Variants in HAL observed in about 807,000 individuals in gnomAD.
HAL encodes the protein histidase.
HAL carries 85 observed loss-of-function variants against 81.1 expected under a neutral mutation model. The ratio of observed to expected loss-of-function variants is 1.05; its 90% CI spans 0.88 to 1.25. HAL has a LOEUF of 1.25. Among genes scored for constraint, HAL ranks in the 50% most tolerant of loss-of-function variants. The pLI is 0.00. For synonymous variants in HAL, 301 were observed against 309.2 expected (o/e 0.97, Z 0.28); for missense variants, 798 against 836.6 (o/e 0.95, Z 0.57).
intron 10 of HAL, among the ~76,000 whole-genome samples, chr12:95,988,924 C>T (rs2268518): frequency 0.78 from 118,613 of 152,128 alleles, 47,048 homozygotes; most frequent in African/African-American, 0.91. Flanking sequence ...CCATTTACTA[C>T]GTCAATTTCA....
At chr12:95,976,522 A>G (rs772145838) in intron 19 of HAL, 24 bp from the exon 20 acceptor site, 1 of 1,612,786 alleles carries the variant, frequency 6.2e-7, no homozygotes. Context: ...ACATCCGCCC[A>G]TCAGCCAAAC....
Position 95,977,943 on chromosome 12 carries a change from C to A in HAL, c.1654+1G>T, listed in dbSNP as rs771325149. On this transcript the variant is annotated splice_donor_variant, in intron 18 of 20. Transcript: ENST00000261208. LOFTEE classifies it high-confidence loss of function. ...CGCCACCCCGAACTCATCAGCATTACCTTGCTCCACATGCTCGATGACCCT... is the reference window on the plus strand; with the variant it reads ...CGCCACCCCGAACTCATCAGCATTAACTTGCTCCACATGCTCGATGACCCT... 3 of 1,614,108 alleles carry A rather than the reference C, an allele frequency of 1.9e-6. No individual in the cohort carries two copies. In the East Asian group the frequency reaches 6.7e-5, roughly 36 times the overall value.
At chr12:95,990,215 G>A in intron 10 of HAL, 178 bp downstream of exon 10, 1 of 683,568 alleles carries the variant, frequency 1.5e-6, no homozygotes, top group Non-Finnish European at 2.7e-6. Flanking sequence ...GAGTATAGAA[G>A]CTAACAACAG....
rs748909682 is a variant in HAL, at chr12:95,994,894, AC to A, written c.308+38del. 3 of 1,604,400 alleles carry A rather than the reference AC, an allele frequency of 1.9e-6. No homozygotes were observed. The African/African-American group carries it at 4.0e-5, about 21-fold the overall frequency. On this transcript the variant is annotated intron_variant, in intron 3 of 20. Coordinates refer to ENST00000261208, the MANE Select transcript of HAL (RefSeq NM_002108.4). Reference sequence around the variant, plus strand: ...CCCAGCCCCACCATCTGCAGGAGCCACCCCCAGAGCAGACCAAAGAGCCTGT... The same window carrying A: ...CCCAGCCCCACCATCTGCAGGAGCCACCCCAGAGCAGACCAAAGAGCCTGT...
At chr12:95,988,529 T>C (rs2268520) in intron 10 of HAL, among the ~76,000 whole-genome samples, 19,636 of 152,226 alleles carry the variant, frequency 0.13, 1,534 homozygotes, top group East Asian at 0.34. Flanking sequence ...GTTCAGTTTC[T>C]ACCTTAGCAG....
chr12:95,990,746 T>G (rs1592849146), intron 9 of HAL, among the ~76,000 whole-genome samples: 6 of 149,786 alleles, frequency 4.0e-5, no homozygotes, highest in South Asian at 2.1e-4. Flanking sequence ...GGAGTGGGGG[T>G]GGAGAGGAAG....
At position 95,994,797 on chromosome 12, in the gene HAL, C is replaced by T; in HGVS notation, c.336+1G>A. 1 of 1,613,938 alleles carries T rather than the reference C, an allele frequency of 6.2e-7. No homozygotes were observed. Among genetic ancestry groups the T allele is most frequent in the Non-Finnish European group, 8.5e-7 (1 of 1,179,804 alleles). ...GAAAAAGAAAGTGGTTTGAAGCTTA[C>T]CTTTTCAGGCTCCCGGTACTTGCTG... On this transcript the variant is annotated splice_donor_variant, in intron 4 of 20. Coordinates refer to ENST00000261208, the MANE Select transcript of HAL (RefSeq NM_002108.4). LOFTEE classifies it high-confidence loss of function.
At chr12:95,993,169 C>CAA (rs1949992637) in intron 8 of HAL, among the ~76,000 whole-genome samples, 1 of 152,194 alleles carries the variant, frequency 6.6e-6, no homozygotes, top group Admixed American at 6.5e-5. Flanking sequence ...CATCCTAACT[C>CAA]ATTCTTTGAG....
In HAL at chr12:95,993,785, T is replaced by C. The variant is rs1370208399; in HGVS notation, c.538A>G (p.Ile180Val). ...TTTTAAACTTACTGTAGCTTATTGA[T>C]AGGAATTACAGTTCTGGCAAATTTC... ...FGKFARTVIP[I>V]NKLQELQVNL... Residue 180 changes from isoleucine (I) to valine (V), a missense_variant, in exon 7 of 21, where the codon ATC (isoleucine) becomes GTC (valine). By Grantham distance (29) the Ile-to-Val change is conservative (BLOSUM62 3). Coordinates refer to ENST00000261208, the MANE Select transcript of HAL (RefSeq NM_002108.4). The C allele has an allele frequency of 6.5e-7, 1 of 1,546,062 alleles. No homozygotes were observed. The highest frequency in any genetic ancestry group is 8.9e-7 in the Non-Finnish European group (1 of 1,118,134).
chr12:95,981,276 T>C (rs1434273695), intron 15 of HAL, among the ~76,000 whole-genome samples: 1 of 152,212 alleles, frequency 6.6e-6, no homozygotes, highest in Non-Finnish European at 1.5e-5. Context: ...GAAGAATCTG[T>C]TGAATGGGAA....
chr12:95,996,130 G>A lies in HAL; in HGVS notation c.-134C>T. On this transcript the variant is annotated 5_prime_UTR_variant, in exon 1 of 21. Transcript: ENST00000261208. ...AGCAGGGGCAGGAGCAGGGGATGCAGACGGGTGAGCCTCCTGTCCACTTTC... is the reference window on the plus strand; with the variant it reads ...AGCAGGGGCAGGAGCAGGGGATGCAAACGGGTGAGCCTCCTGTCCACTTTC... 1 of 572,256 alleles carries A rather than the reference G, an allele frequency of 1.7e-6. No individual in the cohort carries two copies. The highest frequency in any genetic ancestry group is 2.6e-5 in the Admixed American group (1 of 38,288). The allele number at this position is 572,256 out of a possible 1,614,324, so 35.4% of individuals were successfully genotyped here. A position where few individuals can be genotyped will look rare whatever the true frequency, so the allele number is the denominator to read the frequency against.
rs773461831 is a variant in HAL, at chr12:95,993,788, G to T, written c.535C>A (p.Pro179Thr). Residue 179 changes from proline (P) to threonine (T), a missense_variant, in exon 7 of 21, where the codon CCT becomes ACT. Coordinates refer to ENST00000261208, the MANE Select transcript of HAL (RefSeq NM_002108.4). ...GFGKFARTVI[P>T]INKLQELQVN... is the part of the protein sequence containing the mutation. ...TAAACTTACTGTAGCTTATTGATAG[G>T]AATTACAGTTCTGGCAAATTTCCCA... 7.7e-6 allele frequency: 12 copies of T among 1,551,898 alleles called. No individual in the cohort carries two copies. The highest frequency in any genetic ancestry group is 9.8e-6 in the Non-Finnish European group (11 of 1,123,502).
At chr12:95,995,544 G>A (rs61937879) in intron 2 of HAL, 120 bp downstream of exon 2, 29,763 of 1,391,402 alleles carry the variant, frequency 0.021, 432 homozygotes, top group Non-Finnish European at 0.026. Context: ...GCCTGCACAG[G>A]GCCAGCCTCG....
In HAL at chr12:95,974,491, T is replaced by TTATTTTA. The variant is rs1398828287; in HGVS notation, c.1834-120_1834-119insTAAAATA. ...TATACATGACCAGACACAGCTGCTG[T>TTATTTTA]TTGCTTGCTTTTATTTTAAGCCATT... On this transcript the variant is annotated intron_variant, in intron 20 of 20. Coordinates refer to ENST00000261208, the MANE Select transcript of HAL (RefSeq NM_002108.4). The TTATTTTA allele has an allele frequency of 3.4e-6, 3 of 873,008 alleles. No individual in the cohort carries two copies. In the African/African-American group the frequency reaches 5.0e-5, roughly 14 times the overall value. The allele number at this position is 873,008 out of a possible 1,614,324, so 54.1% of individuals were successfully genotyped here. A position where few individuals can be genotyped will look rare whatever the true frequency, so the allele number is the denominator to read the frequency against.
rs140039557 is a variant in HAL at position 95,974,100 on chromosome 12, G to A, written c.*132C>T. 98 of 848,312 alleles carry A rather than the reference G, an allele frequency of 1.2e-4. 2 individuals carry two copies. The highest frequency in any genetic ancestry group is 6.7e-4 in the South Asian group (50 of 74,946). 52.5% of individuals were successfully genotyped at this position (848,312 alleles called of 1,614,324 possible). ...TAATACTGCCATCAGCCTAACCAAC[G>A]TAGGCTTTAGAAGAACTGAATGATA... is the stretch of plus-strand genomic sequence containing the variant. On this transcript the variant is annotated 3_prime_UTR_variant, in exon 21 of 21. Transcript: ENST00000261208.
Position 95,992,698 on chromosome 12 carries a change from C to T in HAL, c.697G>A (p.Val233Ile). 2 of 1,612,554 alleles carry T rather than the reference C, an allele frequency of 1.2e-6. No homozygotes were observed. The highest frequency in any genetic ancestry group is 1.7e-6 in the Non-Finnish European group (2 of 1,178,666). ...GCATTACCATTAAACATTTCTATGACTTGTTTGAGGGTCTCCAGGGAAATG... is the reference window on the plus strand; with the variant it reads ...GCATTACCATTAAACATTTCTATGATTTGTTTGAGGGTCTCCAGGGAAATG... Reference protein sequence around the residue: ...SGISLETLKQVIEMFNASCLP... With the variant: ...SGISLETLKQIIEMFNASCLP... The change falls in exon 9 of 21, where the codon GTC becomes ATC. Residue 233 changes from valine to isoleucine, a missense_variant. Val to Ile is a conservative substitution (Grantham distance 29, BLOSUM62 3). Transcript: ENST00000261208.
In HAL at chr12:95,994,986, C is replaced by T; in HGVS notation, c.255G>A (p.Glu85=). 1.9e-6 allele frequency: 3 copies of T among 1,609,328 alleles called. No individual in the cohort carries two copies. Among genetic ancestry groups the T allele is most frequent in the Non-Finnish European group, 2.6e-6 (3 of 1,175,756 alleles). Residue 85 remains glutamate, a synonymous_variant, in exon 3 of 21, where the codon GAG becomes GAA. Transcript: ENST00000261208. The part of the protein sequence containing the change: ...ENNEFVEVVI[E]GDAMSPDFIP... Reference sequence around the variant, plus strand: ...TGAAGTCAGGAGACATGGCATCACCCTCTATAACTAAAACAATGCACGGGA... The same window carrying T: ...TGAAGTCAGGAGACATGGCATCACCTTCTATAACTAAAACAATGCACGGGA...
At chr12:95,987,040 A>G in intron 12 of HAL, 27 bp downstream of exon 12, 1 of 1,598,480 alleles carries the variant, frequency 6.3e-7, no homozygotes, top group South Asian at 1.1e-5. Context: ...TGAATGAATA[A>G]CAACCAAAAG....
In HAL at chr12:95,992,729, GTA is replaced by G; in HGVS notation, c.664_665del (p.Tyr222GlnfsTer16). ...TGAGGGTCTCCAGGGAAATGCCACT[GTA>G]TCCTTTGGCTAAGACATTGATCCTT... ...ALRINVLAKG[Y>X]SGISLETLKQ... On this transcript the variant is annotated frameshift_variant, in exon 9 of 21. Transcript: ENST00000261208. LOFTEE classifies it high-confidence loss of function. 1 of 1,612,496 alleles carries G rather than the reference GTA, an allele frequency of 6.2e-7. No homozygotes were observed. The highest frequency in any genetic ancestry group is 8.5e-7 in the Non-Finnish European group (1 of 1,178,526).
Sources: allele counts gnomAD v4.1 joint callset (sites outside exome capture counted in the v4.1 genomes callset), GRCh38; gene constraint gnomAD v4.1.1; transcripts MANE v1.5; gene names NCBI Gene and HGNC (gene_info 2026-07-23, HGNC 2026-07-21).